KAZN: variants seen among roughly 807,000 people sequenced by gnomAD.
The protein encoded by KAZN is kazrin, periplakin interacting protein, also known as kazrin.
Under a neutral mutation model 87.4 loss-of-function variants are expected in KAZN, and 40 were observed. The observed-to-expected ratio is 0.46, with a 90% CI of 0.36 to 0.60. The LOEUF (loss-of-function observed/expected upper bound fraction) is 0.60. KAZN is among the 20% of genes least tolerant of loss of function. The probability of loss-of-function intolerance (pLI) is 0.00; values close to 1 mark genes in which losing one functional copy is unlikely to be tolerated. For missense variants in KAZN, 898 were observed against 1,073.9 expected (o/e 0.84, Z 2.29); for synonymous variants, 466 against 458.3 (o/e 1.02, Z -0.22).
chr1:14,914,782 G>A (rs1024569753), intron 1 of KAZN, among the ~76,000 whole-genome samples: 32 of 152,010 alleles, frequency 2.1e-4, no homozygotes, highest in African/African-American at 7.7e-4. Context: ...GTGTGATGTG[G>A]GGCAACCTGC....
intron 2 of KAZN, among the ~76,000 whole-genome samples, chr1:14,542,316 G>T (rs1672861789): frequency 2.5e-5 from 3 of 119,314 alleles, no homozygotes; most frequent in Non-Finnish European, 3.4e-5. Context: ...AGGGGGGAGG[G>T]ATAGCATTAG....
intron 2 of KAZN, among the ~76,000 whole-genome samples, chr1:14,486,643 G>T (rs1255334369): frequency 6.6e-6 from 1 of 152,148 alleles, no homozygotes; most frequent in Non-Finnish European, 1.5e-5. Flanking sequence ...AGTGAAGATG[G>T]TTGAGTCAGA....
intron 2 of KAZN, among the ~76,000 whole-genome samples, chr1:14,431,049 G>C (rs1315273107): frequency 1.3e-5 from 2 of 152,170 alleles, no homozygotes; most frequent in African/African-American, 4.8e-5. Flanking sequence ...GTAATTATAA[G>C]TGTGCAATAA....
chr1:14,573,808 T>C (rs1675015040), intron 2 of KAZN, among the ~76,000 whole-genome samples: 2 of 152,074 alleles, frequency 1.3e-5, no homozygotes, highest in South Asian at 4.1e-4. Flanking sequence ...ACCCCTAAGA[T>C]TGTCACTTTT....
chr1:14,959,812 C>T (rs979138816), intron 1 of KAZN, among the ~76,000 whole-genome samples: 2 of 152,108 alleles, frequency 1.3e-5, no homozygotes, highest in Non-Finnish European at 2.9e-5. Context: ...TGTGTCTATC[C>T]GCCCGCAGGA....
intron 2 of KAZN, among the ~76,000 whole-genome samples, chr1:14,550,483 A>T (rs935377628): frequency 1.2e-4 from 18 of 152,148 alleles, no homozygotes; most frequent in Non-Finnish European, 1.8e-4. Flanking sequence ...CTGCAAGGTC[A>T]GTGTGGCTAG....
intron 2 of KAZN, among the ~76,000 whole-genome samples, chr1:14,256,967 T>G (rs1650566569): frequency 6.6e-6 from 1 of 152,174 alleles, no homozygotes; most frequent in African/African-American, 2.4e-5. Context: ...CCTTGCTTGA[T>G]TCCCACAATA....
intron 1 of KAZN, among the ~76,000 whole-genome samples, chr1:14,602,131 G>A (rs1475002936): frequency 1.3e-5 from 2 of 152,108 alleles, no homozygotes; most frequent in Admixed American, 1.3e-4. Context: ...GAAAATTTGG[G>A]TTTTCCTAGC....
chr1:14,345,438 A>G (rs1658037315), intron 2 of KAZN, among the ~76,000 whole-genome samples: 1 of 152,254 alleles, frequency 6.6e-6, no homozygotes, highest in African/African-American at 2.4e-5. Flanking sequence ...AAAAGGAAAA[A>G]AAGAAACAGA....
At chr1:14,900,768 A>AG (rs55881334) in intron 1 of KAZN, among the ~76,000 whole-genome samples, 3 of 150,334 alleles carry the variant, frequency 2.0e-5, no homozygotes, top group African/African-American at 2.4e-5. Context: ...AAAAAAAAAA[A>AG]GAGCTATGAT....
At chr1:14,082,351 C>T (rs1033455540) in intron 1 of KAZN, among the ~76,000 whole-genome samples, 1 of 152,160 alleles carries the variant, frequency 6.6e-6, no homozygotes, top group Non-Finnish European at 1.5e-5. Context: ...ACCACCATTG[C>T]CTCCATACTT....
In KAZN at chr1:14,881,071, C is replaced by A. The variant is rs551633096; in HGVS notation, c.227-79613C>A. ...TGTGAAGTGCTGTGGGCACAGGATC[C>A]ATTCTTGGAGCATGCGGTAACTGAG... On this transcript the variant is annotated intron_variant, in intron 1 of 14. Coordinates refer to ENST00000376030, the MANE Select transcript of KAZN (RefSeq NM_201628.3). 1.6e-3 allele frequency among the ~76,000 whole-genome samples: 249 copies of A among 152,318 alleles called. 3 individuals carry two copies. The highest frequency in any genetic ancestry group is 3.3e-3 in the Non-Finnish European group (225 of 68,032).
At chr1:14,615,055 C>A (rs992353966) in intron 1 of KAZN, among the ~76,000 whole-genome samples, 2 of 152,262 alleles carry the variant, frequency 1.3e-5, no homozygotes, top group African/African-American at 4.8e-5. Context: ...TGCCAATTCC[C>A]CTGTAAATGT....
At chr1:14,848,359 C>G (rs892024492) in intron 1 of KAZN, among the ~76,000 whole-genome samples, 2 of 152,232 alleles carry the variant, frequency 1.3e-5, no homozygotes, top group Admixed American at 6.5e-5. Flanking sequence ...AGCCTGAGTT[C>G]TATCTCTCTG....
At chr1:14,576,780 G>A (rs1675216091) in intron 2 of KAZN, among the ~76,000 whole-genome samples, 1 of 151,660 alleles carries the variant, frequency 6.6e-6, no homozygotes, top group Non-Finnish European at 1.5e-5. Context: ...CTAAATAGTA[G>A]CTGGTACGTT....
chr1:14,321,295 C>T (rs1557638217), intron 2 of KAZN, among the ~76,000 whole-genome samples: 1 of 152,130 alleles, frequency 6.6e-6, no homozygotes, highest in Non-Finnish European at 1.5e-5. Context: ...CAAAGCCAAC[C>T]AGAACATTTC....
chr1:13,997,586 C>T (rs1469436380), intron 1 of KAZN, among the ~76,000 whole-genome samples: 1 of 151,534 alleles, frequency 6.6e-6, no homozygotes, highest in Non-Finnish European at 1.5e-5. Flanking sequence ...CAAGTATCAA[C>T]AGCTGAATCG....
chr1:14,275,761 T>A (rs1652296667), intron 2 of KAZN, among the ~76,000 whole-genome samples: 1 of 152,152 alleles, frequency 6.6e-6, no homozygotes, highest in Non-Finnish European at 1.5e-5. Flanking sequence ...TGAGCATTCT[T>A]GAATATTTAA....
At chr1:14,240,396 C>T (rs774184068) in intron 2 of KAZN, among the ~76,000 whole-genome samples, 3 of 152,208 alleles carry the variant, frequency 2.0e-5, no homozygotes, top group African/African-American at 7.2e-5. Flanking sequence ...ATGGGGAAGA[C>T]ACCATTGCAG....
Sources: allele counts gnomAD v4.1 joint callset (sites outside exome capture counted in the v4.1 genomes callset), GRCh38; gene constraint gnomAD v4.1.1; transcripts MANE v1.5; gene names NCBI Gene and HGNC (gene_info 2026-07-23, HGNC 2026-07-21).